CSNK1G1: variants seen among roughly 807,000 people sequenced by gnomAD.
The protein encoded by CSNK1G1 is casein kinase I isoform gamma-1.
A neutral mutation model predicts 59.6 loss-of-function variants in CSNK1G1; 22 were observed. That is an observed-to-expected ratio of 0.37 (90% CI 0.26 to 0.53). The LOEUF is 0.53. Ranked by LOEUF, CSNK1G1 falls within the 20% of genes least tolerant of loss-of-function variation. The pLI is 0.89. For synonymous variants in CSNK1G1, 179 were observed against 177.1 expected, an observed-to-expected ratio of 1.01 and a Z score of -0.08; for missense variants, 384 against 519.5, an observed-to-expected ratio of 0.74 and a Z score of 2.54.
At chr15:64,280,966 G>A (rs1195055813) in intron 2 of CSNK1G1, among the ~76,000 whole-genome samples, 7 of 151,964 alleles carry the variant, frequency 4.6e-5, no homozygotes, top group African/African-American at 1.5e-4. Flanking sequence ...TGTAAGCTCC[G>A]CCTCCTGGGT....
At chr15:64,286,255 T>C (rs1398310914) in intron 2 of CSNK1G1, among the ~76,000 whole-genome samples, 1 of 151,708 alleles carries the variant, frequency 6.6e-6, no homozygotes, top group African/African-American at 2.4e-5. Flanking sequence ...CTTTCTAAGC[T>C]ACATTGGAAG....
At position 64,341,284 on chromosome 15, in the gene CSNK1G1, C is replaced by T. The variant is rs1596298993; in HGVS notation, c.-225+14704G>A. Among the ~76,000 whole-genome samples the T allele has an allele frequency of 1.5e-3, 4 of 2,638 alleles. 2 individuals are homozygous for T. The highest frequency in any genetic ancestry group is 8.1e-3 in the South Asian group (4 of 496). The allele number at this position is 2,638 out of a possible 152,430, so 1.7% of individuals were successfully genotyped here. A position where few individuals can be genotyped will look rare whatever the true frequency, so the allele number is the denominator to read the frequency against. On this transcript the variant is annotated intron_variant, in intron 1 of 11. Coordinates refer to ENST00000303052, the MANE Select transcript of CSNK1G1 (RefSeq NM_022048.5). Reference sequence around the variant, plus strand: ...CCTCCCAAAGTGCTGGGATTACAGGCGTGAGCCACCGCGCCCGGCCAATTT... The same window carrying T: ...CCTCCCAAAGTGCTGGGATTACAGGTGTGAGCCACCGCGCCCGGCCAATTT...
At chr15:64,295,956 T>C (rs1177898324) in intron 2 of CSNK1G1, among the ~76,000 whole-genome samples, 1 of 152,238 alleles carries the variant, frequency 6.6e-6, no homozygotes, top group Non-Finnish European at 1.5e-5. Flanking sequence ...TATAACTAAA[T>C]GCTGCTGTGA....
chr15:64,226,615 G>A (rs140811050), intron 4 of CSNK1G1, among the ~76,000 whole-genome samples: 31 of 151,192 alleles, frequency 2.1e-4, no homozygotes, highest in Admixed American at 4.6e-4. Flanking sequence ...ACTCAGCTCA[G>A]CTCAGTTACT....
At chr15:64,312,501 G>C (rs1896049112) in intron 1 of CSNK1G1, among the ~76,000 whole-genome samples, 1 of 152,128 alleles carries the variant, frequency 6.6e-6, no homozygotes, top group South Asian at 2.1e-4. Flanking sequence ...ACCAGAAATG[G>C]GGAAAGGATT....
Position 64,210,063 on chromosome 15 carries a change from A to C in CSNK1G1, c.680-2469T>G, listed in dbSNP as rs1172010444. Among the ~76,000 whole-genome samples, 1 of 152,180 alleles carries C rather than the reference A, an allele frequency of 6.6e-6. No homozygotes were observed. Among genetic ancestry groups the C allele is most frequent in the Non-Finnish European group, 1.5e-5 (1 of 68,024 alleles). On this transcript the variant is annotated intron_variant, in intron 6 of 11. Coordinates refer to ENST00000303052, the MANE Select transcript of CSNK1G1 (RefSeq NM_022048.5). This position sits in a 1 kb window ranked among gnomAD's most constrained non-coding sequence, Gnocchi z 4.2. ...TCAAATCCTGAGAACTATGAAAAAG[A>C]ACTATAGAATATGGGACAATAGGAA... is the stretch of plus-strand genomic sequence containing the variant.
At position 64,171,641 on chromosome 15, in the gene CSNK1G1, C is replaced by A; in HGVS notation, c.*290G>T. On this transcript the variant is annotated 3_prime_UTR_variant, in exon 12 of 12. Coordinates refer to ENST00000303052, the MANE Select transcript of CSNK1G1 (RefSeq NM_022048.5). This position sits in a 1 kb window ranked among gnomAD's most constrained non-coding sequence, Gnocchi z 4.8. Reference sequence around the variant, plus strand: ...GTCCTTGAGTTTTTGTGAATGACACCTTCACTGTAAACAATGGGAAGGAGA... The same window carrying A: ...GTCCTTGAGTTTTTGTGAATGACACATTCACTGTAAACAATGGGAAGGAGA... 1 of 479,538 alleles carries A rather than the reference C, an allele frequency of 2.1e-6. No homozygotes were observed. Among genetic ancestry groups the A allele is most frequent in the Non-Finnish European group, 3.8e-6 (1 of 265,874 alleles). The allele number at this position is 479,538 out of a possible 1,614,324, so 29.7% of individuals were successfully genotyped here.
chr15:64,217,687 G>A (rs1195912583), intron 4 of CSNK1G1, among the ~76,000 whole-genome samples: 1 of 151,880 alleles, frequency 6.6e-6, no homozygotes, highest in East Asian at 1.9e-4. Flanking sequence ...ATGGTGGCAC[G>A]CACCTATAGT....
In CSNK1G1 at chr15:64,188,520, T is replaced by G; in HGVS notation, c.1108-8066A>C. The G allele has an allele frequency of 1.4e-6, 2 of 1,465,256 alleles. No homozygotes were observed. Among genetic ancestry groups the G allele is most frequent in the Non-Finnish European group, 1.8e-6 (2 of 1,084,232 alleles). 90.8% of individuals were successfully genotyped at this position (1,465,256 alleles called of 1,614,324 possible). On this transcript the variant is annotated intron_variant, in intron 10 of 11. Transcript: ENST00000303052. The surrounding 1 kb of genome is among the most constrained non-coding windows in gnomAD (Gnocchi z 4.2). Reference sequence around the variant, plus strand: ...CGTTAGAAAGCATGAGAGCAAGATATGGAAGGAAAGGTGAAGCAACAGCAA... The same window carrying G: ...CGTTAGAAAGCATGAGAGCAAGATAGGGAAGGAAAGGTGAAGCAACAGCAA...
chr15:64,346,553 G>A (rs1566956122), intron 1 of CSNK1G1, among the ~76,000 whole-genome samples: 1 of 151,842 alleles, frequency 6.6e-6, no homozygotes, highest in Non-Finnish European at 1.5e-5. Flanking sequence ...CGCCTCCCAG[G>A]TTCAAGTGAT....
At position 64,281,966 on chromosome 15, in the gene CSNK1G1, G is replaced by T. The variant is rs116419486; in HGVS notation, c.181+18353C>A. The stretch of plus-strand genomic sequence containing the variant: ...AACACAGTGTCTATTCTGCTGCCCA[G>T]CCTGGAGTGTAGTGGCGCAATCTAG... On this transcript the variant is annotated intron_variant, in intron 2 of 11. Transcript: ENST00000303052. Among the ~76,000 whole-genome samples, 246 of 150,564 alleles carry T rather than the reference G, an allele frequency of 1.6e-3. 2 individuals are homozygous for T. Among genetic ancestry groups the T allele is most frequent in the African/African-American group, 5.8e-3 (237 of 40,996 alleles).
chr15:64,269,636 G>A, intron 2 of CSNK1G1, among the ~76,000 whole-genome samples: 1 of 151,650 alleles, frequency 6.6e-6, no homozygotes. Context: ...TGGGATTACA[G>A]GTGCATACTA....
At chr15:64,330,517 G>A (rs1366134151) in intron 1 of CSNK1G1, among the ~76,000 whole-genome samples, 1 of 96,248 alleles carries the variant, frequency 1.0e-5, no homozygotes, top group Non-Finnish European at 2.0e-5. Flanking sequence ...GTATTGATGG[G>A]ACGTATTTCA....
At chr15:64,288,672 C>A (rs1169881085) in intron 2 of CSNK1G1, among the ~76,000 whole-genome samples, 4 of 152,146 alleles carry the variant, frequency 2.6e-5, no homozygotes, top group South Asian at 2.1e-4. Flanking sequence ...GCATCACCTG[C>A]TCTTTGAAAG....
intron 4 of CSNK1G1, among the ~76,000 whole-genome samples, chr15:64,229,528 T>TTCTCTCTC (rs34099287): frequency 2.1e-5 from 3 of 144,244 alleles, no homozygotes; most frequent in African/African-American, 7.8e-5. Context: ...CTCTCTCTCT[T>TTCTCTCTC]TCTCTCTCTC....
chr15:64,236,830 T>G (rs941812051), intron 4 of CSNK1G1, among the ~76,000 whole-genome samples: 1 of 152,126 alleles, frequency 6.6e-6, no homozygotes, highest in African/African-American at 2.4e-5. Flanking sequence ...CAAAAAGATA[T>G]CTGTACTCAT....
At chr15:64,269,303 T>C (rs952612887) in intron 2 of CSNK1G1, among the ~76,000 whole-genome samples, 1 of 152,126 alleles carries the variant, frequency 6.6e-6, no homozygotes, top group Admixed American at 6.6e-5. Flanking sequence ...TGTGAATCCA[T>C]CTGGTCCTGG....
At chr15:64,185,899 T>C (rs1356988679) in intron 10 of CSNK1G1, among the ~76,000 whole-genome samples, 4 of 150,406 alleles carry the variant, frequency 2.7e-5, no homozygotes, top group Admixed American at 6.6e-5. Flanking sequence ...AGAAATATGC[T>C]TATTTTGTAA....
chr15:64,281,371 G>A (rs181013270), intron 2 of CSNK1G1, among the ~76,000 whole-genome samples: 11 of 152,264 alleles, frequency 7.2e-5, no homozygotes, highest in South Asian at 2.1e-4. Flanking sequence ...TTGGAAGGGC[G>A]AGGCAGGAAG....
Sources: allele counts gnomAD v4.1 joint callset (sites outside exome capture counted in the v4.1 genomes callset), GRCh38; gene constraint gnomAD v4.1.1; non-coding constraint Gnocchi (gnomAD v3.1); transcripts MANE v1.5; gene names NCBI Gene and HGNC (gene_info 2026-07-23, HGNC 2026-07-21).